The following ZNF385D variants were observed in gnomAD, a reference collection of about 807,000 sequenced individuals.
ZNF385D encodes zinc finger protein 385D, also known as zinc finger protein 659.
Under a neutral mutation model 35.8 loss-of-function variants are expected in ZNF385D, and 15 were observed. The observed-to-expected ratio is 0.42, with a 90% confidence interval of 0.28 to 0.64. The LOEUF is 0.64. Ranked by LOEUF, ZNF385D falls within the 30% of genes least tolerant of loss-of-function variation. ZNF385D has a pLI of 0.23. For missense variants in ZNF385D, 474 were observed against 494.6 expected, an observed-to-expected ratio of 0.96 and a Z score of 0.39; for synonymous variants, 212 against 186.8, an observed-to-expected ratio of 1.13 and a Z score of -1.10.
chr3:21,797,746 T>C (rs75659211), intron 3 of ZNF385D, among the ~76,000 whole-genome samples: 3 of 152,212 alleles, frequency 2.0e-5, no homozygotes, highest in African/African-American at 4.8e-5. Flanking sequence ...ACGAGCAAAT[T>C]TGAAGAGGCC....
Position 22,371,610 on chromosome 3 carries a change from T to C in ZNF385D, c.106+840A>G, listed in dbSNP as rs114678504. 4.8e-3 allele frequency among the ~76,000 whole-genome samples: 737 copies of C among 152,268 alleles called. 12 individuals are homozygous for C. The highest frequency in any genetic ancestry group is 0.017 in the African/African-American group (696 of 41,540). On this transcript the variant is annotated intron_variant, in intron 2 of 5. Transcript: ENST00000494108. The stretch of plus-strand genomic sequence containing the variant: ...GGGCATTTCACACAGGGTGACACCA[T>C]TTTGGAGGCTGCAGGTGTCCTCTGA...
At chr3:22,353,085 C>T (rs537497172) in intron 2 of ZNF385D, among the ~76,000 whole-genome samples, 1 of 152,310 alleles carries the variant, frequency 6.6e-6, no homozygotes, top group African/African-American at 2.4e-5. Context: ...TCTGCATAGG[C>T]AGTAGCTAAG....
rs569555760 is a variant in ZNF385D at position 21,480,849 on chromosome 3, G to C, written c.439+30012C>G. On this transcript the variant is annotated intron_variant, in intron 4 of 7. Coordinates refer to ENST00000281523, the MANE Select transcript of ZNF385D (RefSeq NM_024697.3). ...ACATTTAGATATGTATTCGGATATG[G>C]TGTTCAAAACAATTTTAACCAAATA... 3.9e-5 allele frequency among the ~76,000 whole-genome samples: 6 copies of C among 152,200 alleles called. 1 individual carries two copies. Among genetic ancestry groups the C allele is most frequent in the Middle Eastern group, 6.8e-3 (2 of 294 alleles).
At chr3:22,121,317 C>T (rs1282840074) in intron 3 of ZNF385D, among the ~76,000 whole-genome samples, 1 of 152,188 alleles carries the variant, frequency 6.6e-6, no homozygotes, top group Non-Finnish European at 1.5e-5. Flanking sequence ...CGTTTCCCTT[C>T]ATTTCCTATC....
At chr3:21,981,274 A>G (rs570316425) in intron 3 of ZNF385D, among the ~76,000 whole-genome samples, 1 of 152,284 alleles carries the variant, frequency 6.6e-6, no homozygotes, top group African/African-American at 2.4e-5. Flanking sequence ...CTGGTATAAG[A>G]TGGTAACTCA....
chr3:21,841,456 T>C (rs1053124817), intron 3 of ZNF385D, among the ~76,000 whole-genome samples: 2 of 152,004 alleles, frequency 1.3e-5, no homozygotes, highest in Non-Finnish European at 2.9e-5. Flanking sequence ...GTCAGACTAC[T>C]GTATTAATTT....
chr3:22,210,818 A>G (rs1697471028), intron 2 of ZNF385D, among the ~76,000 whole-genome samples: 1 of 146,150 alleles, frequency 6.8e-6, no homozygotes, highest in Non-Finnish European at 1.5e-5. Flanking sequence ...TGTACTTGAA[A>G]GCAGGCCAAA....
At chr3:21,696,572 C>A (rs1445704166) in intron 1 of ZNF385D, among the ~76,000 whole-genome samples, 2 of 152,202 alleles carry the variant, frequency 1.3e-5, no homozygotes, top group Non-Finnish European at 2.9e-5. Context: ...CCTCTTACAC[C>A]ATTTAATCAA....
chr3:21,988,851 G>T (rs1183207857), intron 3 of ZNF385D, among the ~76,000 whole-genome samples: 2 of 152,226 alleles, frequency 1.3e-5, no homozygotes, highest in South Asian at 2.1e-4. Flanking sequence ...TCCGAGCCAG[G>T]TGTGGGATAT....
chr3:21,622,977 A>AT (rs2065046433), intron 2 of ZNF385D, among the ~76,000 whole-genome samples: 2 of 151,886 alleles, frequency 1.3e-5, no homozygotes, highest in African/African-American at 4.8e-5. Context: ...ACTGAAAAAA[A>AT]GATGATGCTA....
At chr3:21,658,472 A>C (rs2066138773) in intron 2 of ZNF385D, among the ~76,000 whole-genome samples, 1 of 152,004 alleles carries the variant, frequency 6.6e-6, no homozygotes, top group African/African-American at 2.4e-5. Context: ...TTATTGACAC[A>C]ATTCCATCAA....
chr3:22,206,224 G>C (rs900094095), intron 2 of ZNF385D, among the ~76,000 whole-genome samples: 4 of 151,934 alleles, frequency 2.6e-5, no homozygotes, highest in Middle Eastern at 3.4e-3. Context: ...TTTATGAAGA[G>C]GATACAACAA....
At chr3:22,160,074 C>G (rs1436212899) in intron 3 of ZNF385D, among the ~76,000 whole-genome samples, 1 of 152,006 alleles carries the variant, frequency 6.6e-6, no homozygotes, top group African/African-American at 2.4e-5. Flanking sequence ...TTCCTGCCAC[C>G]TTGTGAAGAA....
chr3:21,985,910 C>T (rs1339650205), intron 3 of ZNF385D, among the ~76,000 whole-genome samples: 2,269 of 129,304 alleles, frequency 0.018, 37 homozygotes, highest in Middle Eastern at 0.066. Flanking sequence ...GTGTATGTGT[C>T]GAGGAATGTA....
chr3:21,471,089 A>G (rs1575207503), intron 4 of ZNF385D, among the ~76,000 whole-genome samples: 1 of 152,184 alleles, frequency 6.6e-6, no homozygotes, highest in African/African-American at 2.4e-5. Context: ...CAATTTACAT[A>G]TGAAAAGAAA....
At chr3:22,122,270 C>G (rs771395076) in intron 3 of ZNF385D, among the ~76,000 whole-genome samples, 2 of 152,158 alleles carry the variant, frequency 1.3e-5, no homozygotes, top group East Asian at 1.9e-4. Context: ...TGACAAGCAT[C>G]AGGACCTGCA....
At chr3:22,297,005 A>G (rs1702620269) in intron 2 of ZNF385D, among the ~76,000 whole-genome samples, 1 of 152,172 alleles carries the variant, frequency 6.6e-6, no homozygotes, top group Non-Finnish European at 1.5e-5. Context: ...CTGAGGTACA[A>G]GTATAAGTGG....
At chr3:21,600,830 T>C (rs1321029482) in intron 2 of ZNF385D, among the ~76,000 whole-genome samples, 1 of 151,870 alleles carries the variant, frequency 6.6e-6, no homozygotes, top group African/African-American at 2.4e-5. Flanking sequence ...TGAGAGTATA[T>C]ACATAAAAAT....
At chr3:22,347,686 T>C (rs564203090) in intron 2 of ZNF385D, among the ~76,000 whole-genome samples, 1 of 152,308 alleles carries the variant, frequency 6.6e-6, no homozygotes, top group East Asian at 1.9e-4. Flanking sequence ...ACTGTTTCAC[T>C]TTATGCATGC....
Sources: allele counts gnomAD v4.1 joint callset (sites outside exome capture counted in the v4.1 genomes callset), GRCh38; gene constraint gnomAD v4.1.1; transcripts MANE v1.5; gene names NCBI Gene and HGNC (gene_info 2026-07-23, HGNC 2026-07-21).